BTAF1: variants seen among roughly 807,000 people sequenced by gnomAD.
BTAF1 encodes the protein TATA-binding protein-associated factor 172.
BTAF1 carries 38 observed loss-of-function variants against 227.1 expected under a neutral mutation model. That is an observed-to-expected ratio of 0.17 (90% CI 0.13 to 0.22). BTAF1 has a LOEUF of 0.22. BTAF1 is among the 10% of genes least tolerant of loss of function. The pLI is 1.00. For missense variants in BTAF1, 1,598 were observed against 2,204.0 expected, an observed-to-expected ratio of 0.73 and a Z score of 5.51; for synonymous variants, 742 against 751.9, an observed-to-expected ratio of 0.99 and a Z score of 0.21.
In BTAF1 at chr10:91,959,772, T is replaced by C; in HGVS notation, c.991-13T>C. The C allele has an allele frequency of 1.0e-6, 1 of 985,468 alleles. No individual in the cohort carries two copies. 61.0% of individuals were successfully genotyped at this position (985,468 alleles called of 1,614,324 possible). On this transcript the variant is annotated splice_polypyrimidine_tract_variant and intron_variant, in intron 9 of 37. Transcript: ENST00000265990. Reference sequence around the variant, plus strand: ...TATATATATATATATATATATATATTATATTTTAACAGATGATTCAGCAGC... The same window carrying C: ...TATATATATATATATATATATATATCATATTTTAACAGATGATTCAGCAGC...
chr10:92,017,031 T>C (rs1424862207), intron 33 of BTAF1, among the ~76,000 whole-genome samples: 1 of 152,178 alleles, frequency 6.6e-6, no homozygotes, highest in Non-Finnish European at 1.5e-5. Context: ...TCAAAAAATA[T>C]TAGAACACCT....
intron 25 of BTAF1, among the ~76,000 whole-genome samples, chr10:91,998,919 G>A (rs1849315087): frequency 6.6e-6 from 1 of 151,878 alleles, no homozygotes; most frequent in African/African-American, 2.4e-5. Context: ...AAAAATTTGT[G>A]GGGCGTGGTG....
chr10:91,961,450 CTT>C lies in BTAF1; in HGVS notation c.1264-1076_1264-1075del, dbSNP rs5786981. 1.9e-3 allele frequency among the ~76,000 whole-genome samples: 283 copies of C among 147,746 alleles called. 1 individual carries two copies. Among genetic ancestry groups the C allele is most frequent in the East Asian group, 7.9e-3 (40 of 5,060 alleles). ...GCCTTTTGAAGTTTTCTAAGATTGTCTTTTTTTTTTTTTCCCTTCTTTAACTG... is the reference window on the plus strand; with the variant it reads ...GCCTTTTGAAGTTTTCTAAGATTGTCTTTTTTTTTTTCCCTTCTTTAACTG... On this transcript the variant is annotated intron_variant, in intron 11 of 37. Transcript: ENST00000265990.
chr10:91,942,285 TAAA>T (rs67087052), intron 3 of BTAF1, 134 bp from the exon 4 acceptor site: 2 of 598,458 alleles, frequency 3.3e-6, no homozygotes, highest in Non-Finnish European at 5.3e-6. Context: ...CCTCACTTCT[TAAA>T]AAAAAAAGTT....
chr10:91,978,773 G>A (rs1847867127), intron 14 of BTAF1, among the ~76,000 whole-genome samples: 1 of 147,764 alleles, frequency 6.8e-6, no homozygotes, highest in Admixed American at 6.8e-5. Context: ...TTAAGACAGT[G>A]AAGTAGTGAG....
intron 4 of BTAF1, among the ~76,000 whole-genome samples, chr10:91,950,789 G>A (rs1845718977): frequency 6.6e-6 from 1 of 151,484 alleles, no homozygotes; most frequent in East Asian, 1.9e-4. Context: ...AGGAGGTACA[G>A]GTGTAGCTAT....
rs950186793 is a variant in BTAF1 at position 92,029,935 on chromosome 10, G to GCC, written c.*1003_*1004insCC. On this transcript the variant is annotated 3_prime_UTR_variant, in exon 38 of 38. Transcript: ENST00000265990. Reference sequence around the variant, plus strand: ...CACTAAAATCATGTAGTTATACTGGGCAGCAATAATAATTGGGCATGAGGC... The same window carrying GCC: ...CACTAAAATCATGTAGTTATACTGGGCCCAGCAATAATAATTGGGCATGAGGC... 2.0e-5 allele frequency: 3 copies of GCC among 152,470 alleles called. No individual in the cohort carries two copies. Among genetic ancestry groups the GCC allele is most frequent in the Non-Finnish European group, 4.4e-5 (3 of 67,934 alleles). 9.4% of individuals were successfully genotyped at this position (152,470 alleles called of 1,614,324 possible). A position where few individuals can be genotyped will look rare whatever the true frequency, so the allele number is the denominator to read the frequency against.
At chr10:91,941,023 A>G (rs971695956) in intron 3 of BTAF1, among the ~76,000 whole-genome samples, 5 of 152,164 alleles carry the variant, frequency 3.3e-5, no homozygotes, top group African/African-American at 9.7e-5. Context: ...ACTCCCTTTA[A>G]TAACATCACT....
At chr10:91,936,095 C>CT (rs1011236609) in intron 2 of BTAF1, among the ~76,000 whole-genome samples, 1 of 152,032 alleles carries the variant, frequency 6.6e-6, no homozygotes, top group Non-Finnish European at 1.5e-5. Flanking sequence ...AGTTGGTAGT[C>CT]TTCAAATGGA....
intron 1 of BTAF1, among the ~76,000 whole-genome samples, chr10:91,925,885 T>G (rs1843794714): frequency 6.6e-6 from 1 of 152,152 alleles, no homozygotes; most frequent in Non-Finnish European, 1.5e-5. Flanking sequence ...GGTACTGTCT[T>G]TTGTTCTGGA....
chr10:91,962,209 C>A (rs933187564), intron 11 of BTAF1, among the ~76,000 whole-genome samples: 1 of 151,878 alleles, frequency 6.6e-6, no homozygotes, highest in Non-Finnish European at 1.5e-5. Flanking sequence ...TTAAATATAC[C>A]AATATTTATC....
At chr10:91,946,711 G>A (rs1354906059) in intron 4 of BTAF1, among the ~76,000 whole-genome samples, 1 of 152,124 alleles carries the variant, frequency 6.6e-6, no homozygotes, top group Non-Finnish European at 1.5e-5. Flanking sequence ...TTAGAGAAAT[G>A]TCAATTCATA....
intron 13 of BTAF1, 96 bp downstream of exon 13, chr10:91,964,297 A>G (rs1342970720): frequency 5.1e-6 from 7 of 1,377,858 alleles, no homozygotes; most frequent in African/African-American, 3.0e-5. Flanking sequence ...CACCTTTAAG[A>G]ATAATATTAT....
chr10:91,972,057 G>C (rs1847343320), intron 14 of BTAF1, among the ~76,000 whole-genome samples: 1 of 151,972 alleles, frequency 6.6e-6, no homozygotes, highest in Admixed American at 6.6e-5. Flanking sequence ...TTAAAGTTTG[G>C]AATTTTCGTT....
At chr10:92,024,199 A>G (rs1474774734) in intron 34 of BTAF1, among the ~76,000 whole-genome samples, 4 of 152,214 alleles carry the variant, frequency 2.6e-5, no homozygotes, top group Non-Finnish European at 5.9e-5. Context: ...AAGAATCCAC[A>G]TCTAGCTAAA....
At chr10:92,011,033 A>G in intron 28 of BTAF1, 40 bp from the exon 29 acceptor site, 1 of 1,472,296 alleles carries the variant, frequency 6.8e-7, no homozygotes, top group East Asian at 2.3e-5. Flanking sequence ...AGAACTTTTC[A>G]GGGTCTCTGT....
rs1248205158 is a variant in BTAF1 at position 91,989,395 on chromosome 10, A to G, written c.2669A>G (p.Asn890Ser). The G allele has an allele frequency of 1.9e-6, 3 of 1,614,210 alleles. No homozygotes were observed. The South Asian group carries it at 3.3e-5, about 18-fold the overall frequency. Residue 890 changes from asparagine (N) to serine (S), a missense_variant, in exon 20 of 38, where the codon AAT (asparagine) becomes AGT (serine). Asn to Ser is a conservative substitution (Grantham distance 46). Coordinates refer to ENST00000265990, the MANE Select transcript of BTAF1 (RefSeq NM_003972.3). ...PLMETIKKEE[N>S]TLVQNYAAQC... is the part of the protein sequence containing the mutation. ...ATGGAGACAATTAAAAAAGAAGAGA[A>G]TACACTAGTGCAAAACTATGCAGCT...
At chr10:91,988,351 T>C (rs1422629350) in intron 19 of BTAF1, among the ~76,000 whole-genome samples, 1 of 152,240 alleles carries the variant, frequency 6.6e-6, no homozygotes, top group Non-Finnish European at 1.5e-5. Context: ...GACATGAGCA[T>C]AGTGGATTTA....
intron 13 of BTAF1, among the ~76,000 whole-genome samples, chr10:91,965,088 T>G (rs569748802): frequency 6.6e-6 from 1 of 152,176 alleles, no homozygotes; most frequent in Non-Finnish European, 1.5e-5. Flanking sequence ...ATGCTAAGTT[T>G]AGATTAGTTG....
Sources: gnomAD v4.1 joint callset for allele counts (sites outside exome capture counted in the v4.1 genomes callset) on GRCh38, gnomAD v4.1.1 for gene constraint, MANE v1.5 for transcripts, NCBI Gene and HGNC (gene_info 2026-07-23, HGNC 2026-07-21) for gene names.